Variants in BAIAP2 observed in about 807,000 individuals in gnomAD.
The protein encoded by BAIAP2 is BAR/IMD domain containing adaptor protein 2.
BAIAP2 carries 18 observed loss-of-function variants against 63.0 expected under a neutral mutation model. That is an observed-to-expected ratio of 0.29 (90% CI 0.20 to 0.42). BAIAP2 has a LOEUF of 0.42. Ranked by LOEUF, BAIAP2 falls within the 10% of genes least tolerant of loss-of-function variation. BAIAP2 has a pLI of 1.00. For synonymous variants in BAIAP2, 386 were observed against 307.6 expected, an observed-to-expected ratio of 1.25 and a Z score of -2.67; for missense variants, 610 against 734.3, an observed-to-expected ratio of 0.83 and a Z score of 1.96.
chr17:81,106,925 G>T lies in BAIAP2; in HGVS notation c.1500+18G>T. On this transcript the variant is annotated intron_variant, in intron 12 of 13. Transcript: ENST00000428708. Reference sequence around the variant, plus strand: ...TCTCCCAGGTCAGTGGGCGGGGCCGGGGCTGGGAGGGGCCCGCAGGTGGAA... The same window carrying T: ...TCTCCCAGGTCAGTGGGCGGGGCCGTGGCTGGGAGGGGCCCGCAGGTGGAA... 1 of 1,486,162 alleles carries T rather than the reference G, an allele frequency of 6.7e-7. No individual in the cohort carries two copies. The highest frequency in any genetic ancestry group is 2.5e-5 in the East Asian group (1 of 40,666). The allele number at this position is 1,486,162 out of a possible 1,614,324, so 92.1% of individuals were successfully genotyped here. A position where few individuals can be genotyped will look rare whatever the true frequency, so the allele number is the denominator to read the frequency against.
chr17:81,037,484 G>A (rs2046438483), intron 1 of BAIAP2, among the ~76,000 whole-genome samples: 1 of 152,244 alleles, frequency 6.6e-6, no homozygotes, highest in Non-Finnish European at 1.5e-5. Context: ...TGCCGGTACT[G>A]GTTGGGCAGC....
intron 6 of BAIAP2, among the ~76,000 whole-genome samples, chr17:81,094,373 C>T (rs1458993586): frequency 6.6e-6 from 1 of 152,216 alleles, no homozygotes; most frequent in African/African-American, 2.4e-5. Context: ...TTCCTGGGCA[C>T]CCCTTGCCAA....
intron 5 of BAIAP2, among the ~76,000 whole-genome samples, 200 bp from the exon 6 acceptor site, chr17:81,086,243 G>C (rs778178264): frequency 6.6e-6 from 1 of 151,336 alleles, no homozygotes; most frequent in Non-Finnish European, 1.5e-5. Flanking sequence ...GTGGGGTCGG[G>C]CTGAGGCTTC....
intron 3 of BAIAP2, among the ~76,000 whole-genome samples, chr17:81,060,460 GTGTC>G (rs2050355694): frequency 6.6e-6 from 1 of 152,164 alleles, no homozygotes; most frequent in African/African-American, 2.4e-5. Flanking sequence ...GTGACCTTCT[GTGTC>G]TGACCCTTTT....
At chr17:81,051,741 G>A (rs1212074595) in intron 1 of BAIAP2, among the ~76,000 whole-genome samples, 1 of 152,142 alleles carries the variant, frequency 6.6e-6, no homozygotes, top group African/African-American at 2.4e-5. Context: ...CCAGGCTGGA[G>A]TACAATGGCA....
At chr17:81,071,405 C>T in intron 3 of BAIAP2, among the ~76,000 whole-genome samples, 1 of 152,188 alleles carries the variant, frequency 6.6e-6, no homozygotes, top group African/African-American at 2.4e-5. Flanking sequence ...GTGATGAGCT[C>T]TCGAGGTGCC....
intron 6 of BAIAP2, among the ~76,000 whole-genome samples, chr17:81,096,163 G>C (rs1377407769): frequency 1.3e-5 from 2 of 152,144 alleles, no homozygotes; most frequent in African/African-American, 4.8e-5. Context: ...GGAGGCCGTG[G>C]CTCTGGGCAG....
chr17:81,090,652 CA>C (rs758440024), intron 6 of BAIAP2, among the ~76,000 whole-genome samples: 6 of 152,250 alleles, frequency 3.9e-5, no homozygotes, highest in Non-Finnish European at 5.9e-5. Flanking sequence ...CCCAGGAGGC[CA>C]GGCCTCGGAG....
At chr17:81,100,343 TTCTAGAATGTTCTTGGCTC>T (rs2058317681) in intron 7 of BAIAP2, among the ~76,000 whole-genome samples, 1 of 92,810 alleles carries the variant, frequency 1.1e-5, no homozygotes, top group Non-Finnish European at 2.6e-5. Context: ...TAGAACATTC[TTCTAGAATGTTCTTGGCTC>T]TTCTGCCACA....
intron 1 of BAIAP2, among the ~76,000 whole-genome samples, chr17:81,037,285 A>G (rs1410737949): frequency 1.3e-5 from 2 of 152,224 alleles, no homozygotes; most frequent in East Asian, 3.9e-4. Flanking sequence ...GGTGGGCCGC[A>G]GGTGTCTGAA....
chr17:81,036,809 A>T (rs28585511), intron 1 of BAIAP2: 66,728 of 1,402,688 alleles, frequency 0.048, 3,236 homozygotes, highest in East Asian at 0.29. Flanking sequence ...CAAGGGAGGG[A>T]GGTTTATTAA....
Position 81,104,557 on chromosome 17 carries a change from C to A in BAIAP2, c.1110C>A (p.Gly370=). The change falls in exon 10 of 14, where the codon GGC becomes GGA. Residue 370 remains glycine, a synonymous_variant. Coordinates refer to ENST00000428708, the MANE Select transcript of BAIAP2 (RefSeq NM_001144888.2). Reference sequence around the variant, plus strand: ...CTCGCTCGAGCTCCATGGCAGCCGGCCTGGAGCGCAATGGCCGTATGCGGG... The same window carrying A: ...CTCGCTCGAGCTCCATGGCAGCCGGACTGGAGCGCAATGGCCGTATGCGGG... The part of the protein sequence containing the change: ...TLPRSSSMAA[G]LERNGRMRVK... 1 of 1,611,016 alleles carries A rather than the reference C, an allele frequency of 6.2e-7. No individual in the cohort carries two copies.
At chr17:81,109,989 G>A (rs1242637523) in intron 13 of BAIAP2, 9 of 985,304 alleles carry the variant, frequency 9.1e-6, no homozygotes, top group Middle Eastern at 5.2e-4. Context: ...CTTCCTAAAC[G>A]CTCTCGTCTT....
chr17:81,071,478 G>A (rs1156721146), intron 3 of BAIAP2, among the ~76,000 whole-genome samples: 1 of 152,242 alleles, frequency 6.6e-6, no homozygotes, highest in Non-Finnish European at 1.5e-5. Flanking sequence ...GAAGGCTCTG[G>A]AAGGTGATGC....
At chr17:81,101,148 A>G (rs141742954) in intron 7 of BAIAP2, among the ~76,000 whole-genome samples, 4 of 151,910 alleles carry the variant, frequency 2.6e-5, no homozygotes, top group African/African-American at 9.7e-5. Context: ...ACAGTCCTGC[A>G]GCCCTGTGTT....
At chr17:81,096,606 G>A (rs1304534961) in intron 6 of BAIAP2, among the ~76,000 whole-genome samples, 1 of 152,226 alleles carries the variant, frequency 6.6e-6, no homozygotes, top group Non-Finnish European at 1.5e-5. Flanking sequence ...TTGTGCACAA[G>A]CCCACTTGTT....
chr17:81,112,373 C>T (rs934060187), intron 13 of BAIAP2, among the ~76,000 whole-genome samples: 11 of 152,378 alleles, frequency 7.2e-5, no homozygotes, highest in East Asian at 3.9e-4. Context: ...TTCCCGGCCA[C>T]GCAGTCTGCC....
In BAIAP2 at chr17:81,105,092, C is replaced by CGGCAGGGGTCTCCCCCCAGT. The variant is rs60889529; in HGVS notation, c.1268+389_1268+408dup. 1,487 of 171,166 alleles carry CGGCAGGGGTCTCCCCCCAGT rather than the reference C, an allele frequency of 8.7e-3. 28 individuals carry two copies. Among genetic ancestry groups the CGGCAGGGGTCTCCCCCCAGT allele is most frequent in the African/African-American group, 0.037 (1,403 of 38,374 alleles). The allele number at this position is 171,166 out of a possible 1,614,324, so 10.6% of individuals were successfully genotyped here. ...CCCAATGGCTCGGGTCTCCCCCCAG[C>CGGCAGGGGTCTCCCCCCAGT]GGCAGGGGTCTCCCCCCAGTGGCAG... On this transcript the variant is annotated intron_variant, in intron 10 of 13. Transcript: ENST00000428708.
intron 1 of BAIAP2, among the ~76,000 whole-genome samples, chr17:81,038,119 CG>C (rs778944875): frequency 1.3e-5 from 2 of 152,218 alleles, no homozygotes; most frequent in Admixed American, 6.5e-5. Context: ...CACAGGAGCC[CG>C]GGCCCAGCGC....
Sources: allele counts gnomAD v4.1 joint callset (sites outside exome capture counted in the v4.1 genomes callset), GRCh38; gene constraint gnomAD v4.1.1; transcripts MANE v1.5; gene names NCBI Gene and HGNC (gene_info 2026-07-23, HGNC 2026-07-21).